ADGRB3: variants seen among roughly 807,000 people sequenced by gnomAD.
ADGRB3 encodes the protein brain-specific angiogenesis inhibitor 3.
In ADGRB3, 37 loss-of-function variants were observed where a neutral mutation model predicts 193.4. The observed-to-expected ratio is 0.19, with a 90% CI of 0.15 to 0.25. The LOEUF (loss-of-function observed/expected upper bound fraction) is 0.25, where lower values mean the gene tolerates loss of function less well. Ranked by LOEUF, ADGRB3 falls within the 10% of genes least tolerant of loss-of-function variation. ADGRB3 has a pLI of 1.00. For missense variants in ADGRB3, 1,637 were observed against 1,852.9 expected (o/e 0.88, Z 2.14); for synonymous variants, 690 against 644.2 (o/e 1.07, Z -1.08).
intron 3 of ADGRB3, among the ~76,000 whole-genome samples, chr6:68,744,637 A>G (rs1766046686): frequency 6.6e-6 from 1 of 152,148 alleles, no homozygotes. Flanking sequence ...TATCACAAAA[A>G]CAGAAAACCA....
chr6:69,197,797 G>A (rs563703047), intron 17 of ADGRB3, among the ~76,000 whole-genome samples: 3 of 151,930 alleles, frequency 2.0e-5, no homozygotes, highest in African/African-American at 7.2e-5. Context: ...CAATGTAAAG[G>A]CTGGAAGAAA....
chr6:69,173,963 G>T (rs1327427147), intron 17 of ADGRB3, among the ~76,000 whole-genome samples: 1 of 152,172 alleles, frequency 6.6e-6, no homozygotes, highest in African/African-American at 2.4e-5. Context: ...TCTTCATGTA[G>T]AAAATACTTT....
At chr6:68,840,834 C>G (rs1768145295) in intron 3 of ADGRB3, among the ~76,000 whole-genome samples, 1 of 152,026 alleles carries the variant, frequency 6.6e-6, no homozygotes, top group Non-Finnish European at 1.5e-5. Context: ...AAAACAAGAC[C>G]TAATGATCTG....
chr6:68,948,218 T>G (rs1767824152), intron 6 of ADGRB3, among the ~76,000 whole-genome samples: 1 of 152,152 alleles, frequency 6.6e-6, no homozygotes, highest in South Asian at 2.1e-4. Flanking sequence ...TTTTTGTCTT[T>G]TAAGTGTCAT....
intron 17 of ADGRB3, among the ~76,000 whole-genome samples, chr6:69,210,624 T>A (rs1190239336): frequency 1.3e-5 from 2 of 152,076 alleles, no homozygotes; most frequent in East Asian, 3.9e-4. Flanking sequence ...GCTCAAGTGA[T>A]CTCCTGCCTT....
intron 13 of ADGRB3, among the ~76,000 whole-genome samples, chr6:69,039,310 A>T (rs750901916): frequency 3.3e-5 from 5 of 151,994 alleles, no homozygotes; most frequent in Non-Finnish European, 5.9e-5. Context: ...TGAATCTTTT[A>T]TCCTTGAAGT....
chr6:68,681,288 G>A (rs959410493), intron 3 of ADGRB3, among the ~76,000 whole-genome samples: 2 of 152,040 alleles, frequency 1.3e-5, no homozygotes, highest in Non-Finnish European at 2.9e-5. Context: ...GTTTTTGAGG[G>A]GACAAATATC....
chr6:69,262,979 C>G (rs561752758), intron 20 of ADGRB3, among the ~76,000 whole-genome samples: 2 of 151,702 alleles, frequency 1.3e-5, no homozygotes, highest in Non-Finnish European at 2.9e-5. Context: ...GTTGCATTTC[C>G]GCAAAAAGGA....
At chr6:68,837,888 A>C (rs540726406) in intron 3 of ADGRB3, among the ~76,000 whole-genome samples, 1 of 152,332 alleles carries the variant, frequency 6.6e-6, no homozygotes, top group African/African-American at 2.4e-5. Context: ...TATTTATAGT[A>C]GGAACTACCA....
At chr6:69,383,165 A>G (rs1769988338) in intron 31 of ADGRB3, among the ~76,000 whole-genome samples, 1 of 152,046 alleles carries the variant, frequency 6.6e-6, no homozygotes, top group African/African-American at 2.4e-5. Context: ...CTTTCATTAG[A>G]GTTAGTTTTA....
At chr6:68,872,215 G>A (rs940666700) in intron 3 of ADGRB3, among the ~76,000 whole-genome samples, 2 of 152,074 alleles carry the variant, frequency 1.3e-5, no homozygotes, top group South Asian at 2.1e-4. Context: ...CTGTCAGGTT[G>A]TAGAAAATGA....
At chr6:68,739,435 A>G (rs980994676) in intron 3 of ADGRB3, among the ~76,000 whole-genome samples, 9 of 152,154 alleles carry the variant, frequency 5.9e-5, no homozygotes, top group Non-Finnish European at 8.8e-5. Flanking sequence ...CAAAGAGAAT[A>G]AGAGCTTGTC....
chr6:69,255,539 T>C (rs952079824), intron 20 of ADGRB3, among the ~76,000 whole-genome samples: 5 of 152,224 alleles, frequency 3.3e-5, no homozygotes, highest in Admixed American at 1.3e-4. Context: ...TGCCCACTTT[T>C]TGAGGGGTTG....
At chr6:69,353,124 A>G (rs1769263410) in intron 26 of ADGRB3, among the ~76,000 whole-genome samples, 1 of 152,228 alleles carries the variant, frequency 6.6e-6, no homozygotes, top group Admixed American at 6.5e-5. Context: ...TGGAAAGAAC[A>G]GGCTGATGCT....
At chr6:69,092,840 T>C (rs2150318162) in intron 17 of ADGRB3, among the ~76,000 whole-genome samples, 1 of 152,132 alleles carries the variant, frequency 6.6e-6, no homozygotes, top group East Asian at 1.9e-4. Flanking sequence ...GGAGAACGTT[T>C]TCAAAAAAGA....
At chr6:69,131,153 C>A (rs1043990722) in intron 17 of ADGRB3, among the ~76,000 whole-genome samples, 1 of 151,848 alleles carries the variant, frequency 6.6e-6, no homozygotes, top group Admixed American at 6.6e-5. Context: ...CAACTCAATA[C>A]CCTTTCAGTA....
At chr6:69,323,710 C>A (rs933276039) in intron 20 of ADGRB3, among the ~76,000 whole-genome samples, 1 of 152,016 alleles carries the variant, frequency 6.6e-6, no homozygotes, top group African/African-American at 2.4e-5. Flanking sequence ...ATTTACACAA[C>A]CTGGTGGATA....
rs529314772 is a variant in ADGRB3, at chr6:69,349,354, A to G, written c.3460-4879A>G. Among the ~76,000 whole-genome samples, 5 of 152,340 alleles carry G rather than the reference A, an allele frequency of 3.3e-5. No individual in the cohort carries two copies. In the South Asian group the frequency reaches 1.0e-3, roughly 32 times the overall value. On this transcript the variant is annotated intron_variant, in intron 26 of 31. Transcript: ENST00000370598. ...GTATAACAATTTTAGAGATTAAGTG[A>G]TAGATCCTTTAGATATTAAGGGATT...
chr6:68,642,977 G>A (rs999993782), intron 3 of ADGRB3, among the ~76,000 whole-genome samples: 7 of 152,116 alleles, frequency 4.6e-5, no homozygotes, highest in Non-Finnish European at 1.0e-4. Flanking sequence ...GATATAAAAT[G>A]TGGAATAAAA....
Sources: gnomAD v4.1 joint callset for allele counts (sites outside exome capture counted in the v4.1 genomes callset) on GRCh38, gnomAD v4.1.1 for gene constraint, MANE v1.5 for transcripts, NCBI Gene and HGNC (gene_info 2026-07-23, HGNC 2026-07-21) for gene names.